Variants in TENM2 observed in about 807,000 individuals in gnomAD.
TENM2 encodes the protein teneurin transmembrane protein 2, also known as teneurin-2.
In TENM2, 52 loss-of-function variants were observed where a neutral mutation model predicts 245.2. The observed-to-expected ratio is 0.21, with a 90% CI of 0.17 to 0.27. The LOEUF is 0.27. Among genes scored for constraint, TENM2 ranks in the 10% least tolerant of loss-of-function variants. The pLI is 1.00. For missense variants in TENM2, 3,046 were observed against 3,666.8 expected, an observed-to-expected ratio of 0.83 and a Z score of 4.37; for synonymous variants, 1,363 against 1,438.9, an observed-to-expected ratio of 0.95 and a Z score of 1.19.
At chr5:167,335,529 C>T (rs943686161) in intron 1 of TENM2, among the ~76,000 whole-genome samples, 7 of 152,166 alleles carry the variant, frequency 4.6e-5, no homozygotes, top group African/African-American at 1.7e-4. Context: ...CCACTACTAC[C>T]ATTTCGTTTT....
intron 2 of TENM2, among the ~76,000 whole-genome samples, chr5:167,573,527 T>TC (rs35575400): frequency 2.6e-5 from 2 of 77,246 alleles, no homozygotes; most frequent in Admixed American, 3.0e-4. Context: ...TCTCCCCCTC[T>TC]CCCCCTCTCT....
At chr5:168,160,314 C>T (rs755177239) in intron 12 of TENM2, among the ~76,000 whole-genome samples, 20 of 152,308 alleles carry the variant, frequency 1.3e-4, no homozygotes, top group South Asian at 6.2e-4. Context: ...CACCGTCTCA[C>T]GGTATGAAGT....
the TENM2 span, among the ~76,000 whole-genome samples, chr5:167,230,659 A>T: frequency 6.6e-6 from 1 of 152,150 alleles, no homozygotes; most frequent in Non-Finnish European, 1.5e-5. Flanking sequence ...TAGAGATAGG[A>T]TGGAGCTCTG....
chr5:167,575,489 A>G (rs1189397782), intron 2 of TENM2, among the ~76,000 whole-genome samples: 2 of 152,050 alleles, frequency 1.3e-5, no homozygotes, highest in Non-Finnish European at 2.9e-5. Context: ...TCAATATCAT[A>G]CCCTGGCATG....
chr5:168,070,336 C>T (rs1329701985), intron 7 of TENM2, among the ~76,000 whole-genome samples: 1 of 152,070 alleles, frequency 6.6e-6, no homozygotes, highest in Non-Finnish European at 1.5e-5. Flanking sequence ...AGATAAAGTT[C>T]TAATCAAACA....
intron 2 of TENM2, among the ~76,000 whole-genome samples, chr5:167,423,530 G>A (rs1036929942): frequency 1.3e-5 from 2 of 152,166 alleles, no homozygotes; most frequent in Admixed American, 6.6e-5. Flanking sequence ...ATTAGGGAAA[G>A]AGACATTGAA....
chr5:168,007,616 T>A (rs1251123059), intron 5 of TENM2, among the ~76,000 whole-genome samples: 1 of 152,182 alleles, frequency 6.6e-6, no homozygotes, highest in Non-Finnish European at 1.5e-5. Flanking sequence ...GATTATCAAT[T>A]TGAGATGGGT....
intron 3 of TENM2, among the ~76,000 whole-genome samples, chr5:167,884,023 A>C (rs1050689712): frequency 6.6e-6 from 1 of 152,210 alleles, no homozygotes; most frequent in Non-Finnish European, 1.5e-5. Context: ...ATGATAGCTC[A>C]GCCACTTTCT....
At position 167,460,170 on chromosome 5, in the gene TENM2, T is replaced by TG. The variant is rs1168327729; in HGVS notation, c.502+84697_502+84698insG. ...ATTGGTCCCAAGTTGAAAATTTAGT[T>TG]AGAGCCACATCTAGCCTGAAATTTT... On this transcript the variant is annotated intron_variant, in intron 2 of 28. Transcript: ENST00000518659. 5.9e-5 allele frequency among the ~76,000 whole-genome samples: 9 copies of TG among 152,272 alleles called. No individual in the cohort carries two copies. In the South Asian group the frequency reaches 1.2e-3, roughly 21 times the overall value.
the TENM2 span, among the ~76,000 whole-genome samples, chr5:167,014,041 G>C: frequency 1.3e-5 from 2 of 151,426 alleles, no homozygotes; most frequent in African/African-American, 4.8e-5. Flanking sequence ...AATCAGGATT[G>C]AAATGCATTA....
intron 7 of TENM2, among the ~76,000 whole-genome samples, chr5:168,076,040 A>G (rs1048194683): frequency 2.6e-5 from 4 of 152,196 alleles, no homozygotes; most frequent in African/African-American, 9.6e-5. Context: ...TTGGGTGAGG[A>G]CACAGCCAAA....
intron 1 of TENM2, among the ~76,000 whole-genome samples, chr5:167,336,979 C>T (rs867940405): frequency 8.0e-5 from 12 of 150,086 alleles, no homozygotes; most frequent in Admixed American, 4.6e-4. Flanking sequence ...TAGCCGGGCG[C>T]GGTGGCGGGC....
the TENM2 span, among the ~76,000 whole-genome samples, chr5:167,236,076 T>A: frequency 6.6e-6 from 1 of 152,166 alleles, no homozygotes. Context: ...GCACCTCCTA[T>A]CCCAAATCAT....
intron 8 of TENM2, among the ~76,000 whole-genome samples, chr5:168,096,178 A>G (rs957567040): frequency 6.6e-6 from 1 of 152,224 alleles, no homozygotes. Flanking sequence ...TTGAAAAGAT[A>G]GTTCAGAACT....
At chr5:167,001,962 A>G in the TENM2 span, among the ~76,000 whole-genome samples, 1 of 152,074 alleles carries the variant, frequency 6.6e-6, no homozygotes, top group Non-Finnish European at 1.5e-5. Context: ...AGTTGATTTA[A>G]TTCATATCAT....
chr5:167,250,306 G>A, the TENM2 span, among the ~76,000 whole-genome samples: 1 of 152,214 alleles, frequency 6.6e-6, no homozygotes, highest in South Asian at 2.1e-4. Context: ...GGGTGACACA[G>A]TGAGACCTTA....
At chr5:167,873,596 A>G (rs1218464522) in intron 2 of TENM2, among the ~76,000 whole-genome samples, 1 of 152,216 alleles carries the variant, frequency 6.6e-6, no homozygotes, top group African/African-American at 2.4e-5. Flanking sequence ...ATTAAATTAG[A>G]TAATACATAT....
chr5:168,143,220 C>T (rs757155468), intron 12 of TENM2, among the ~76,000 whole-genome samples: 8 of 150,774 alleles, frequency 5.3e-5, no homozygotes, highest in Admixed American at 2.0e-4. Context: ...ATATCACCCC[C>T]AACACAGTGA....
Position 168,224,706 on chromosome 5 carries a change from C to T in TENM2, c.5109-1382C>T, listed in dbSNP as rs2152574225. Among the ~76,000 whole-genome samples, 3 of 152,264 alleles carry T rather than the reference C, an allele frequency of 2.0e-5. No individual in the cohort carries two copies. In the Middle Eastern group the frequency reaches 0.01, roughly 518 times the overall value. ...AGACCCTGCCAGCTTTTTCCCTCTCCCCAGTCCAAAGGGAGTAACCCGCAG... is the reference window on the plus strand; with the variant it reads ...AGACCCTGCCAGCTTTTTCCCTCTCTCCAGTCCAAAGGGAGTAACCCGCAG... On this transcript the variant is annotated intron_variant, in intron 23 of 28. Transcript: ENST00000518659.
Sources: gnomAD v4.1 joint callset for allele counts (sites outside exome capture counted in the v4.1 genomes callset) on GRCh38, gnomAD v4.1.1 for gene constraint, MANE v1.5 for transcripts, NCBI Gene and HGNC (gene_info 2026-07-23, HGNC 2026-07-21) for gene names.